The following KCNAB2 variants were observed in gnomAD, a reference collection of about 807,000 sequenced individuals.
KCNAB2 encodes potassium voltage-gated channel subfamily A regulatory beta subunit 2.
A neutral mutation model predicts 63.6 loss-of-function variants in KCNAB2; 29 were observed. The ratio of observed to expected loss-of-function variants is 0.46; its 90% CI spans 0.34 to 0.62. KCNAB2 has a LOEUF of 0.62. Ranked by LOEUF, KCNAB2 falls within the 20% of genes least tolerant of loss-of-function variation. KCNAB2 has a pLI of 0.01. For synonymous variants in KCNAB2, 222 were observed against 224.2 expected (o/e 0.99, Z 0.09); for missense variants, 359 against 563.9 (o/e 0.64, Z 3.68).
At chr1:6,090,552 G>T (rs1217979242) in intron 9 of KCNAB2, 77 bp downstream of exon 9, 2 of 1,098,136 alleles carry the variant, frequency 1.8e-6, no homozygotes, top group African/African-American at 3.1e-5. Context: ...TGTAGAGGCC[G>T]CCAGCATGGG....
At chr1:6,018,431 G>T (rs1170907438) in intron 1 of KCNAB2, among the ~76,000 whole-genome samples, 2 of 151,980 alleles carry the variant, frequency 1.3e-5, no homozygotes, top group Non-Finnish European at 2.9e-5. Flanking sequence ...GGTATTAAGA[G>T]GTGGGGCTCT....
chr1:6,077,761 G>A (rs1045571195), intron 4 of KCNAB2, among the ~76,000 whole-genome samples: 3 of 152,182 alleles, frequency 2.0e-5, no homozygotes, highest in African/African-American at 7.2e-5. Flanking sequence ...GGCTTGCGGA[G>A]CCCCTGCCTA....
intron 14 of KCNAB2, 96 bp from the exon 15 acceptor site, chr1:6,097,173 G>A: frequency 7.3e-7 from 1 of 1,364,790 alleles, no homozygotes; most frequent in Non-Finnish European, 9.8e-7. Context: ...CCCAGACCAA[G>A]ATGCTGGGTC....
At position 6,028,472 on chromosome 1, in the gene KCNAB2, G is replaced by A. The variant is rs1404608958; in HGVS notation, c.-52-12045G>A. 3.3e-5 allele frequency among the ~76,000 whole-genome samples: 5 copies of A among 152,204 alleles called. No individual in the cohort carries two copies. Among genetic ancestry groups the A allele is most frequent in the Non-Finnish European group, 5.9e-5 (4 of 68,036 alleles). ...AAAATAACATCAGTTCAACAAGCAGGTGCTGGAGTCCTCGCCCCGAGGCCT... is the reference window on the plus strand; with the variant it reads ...AAAATAACATCAGTTCAACAAGCAGATGCTGGAGTCCTCGCCCCGAGGCCT... On this transcript the variant is annotated intron_variant, in intron 1 of 16. Transcript: ENST00000341524. The surrounding 1 kb of genome is among the most constrained non-coding windows in gnomAD (Gnocchi z 4.0).
intron 1 of KCNAB2, among the ~76,000 whole-genome samples, chr1:6,039,278 G>T (rs1660304161): frequency 3.9e-5 from 6 of 152,262 alleles, no homozygotes; most frequent in African/African-American, 1.4e-4. Context: ...ATAGGGGCCT[G>T]AGGGGGCAGT....
chr1:6,089,629 C>T (rs556351740), intron 8 of KCNAB2, among the ~76,000 whole-genome samples: 3 of 152,376 alleles, frequency 2.0e-5, no homozygotes, highest in African/African-American at 7.2e-5. Flanking sequence ...CAGCGTTTCA[C>T]TCTGCCGGCT....
At position 6,067,532 on chromosome 1, in the gene KCNAB2, C is replaced by T. The variant is rs1170303247; in HGVS notation, c.219-5223C>T. Among the ~76,000 whole-genome samples the T allele has an allele frequency of 1.3e-5, 2 of 152,168 alleles. 1 individual carries two copies. The highest frequency in any genetic ancestry group is 3.8e-4 in the East Asian group (2 of 5,196). On this transcript the variant is annotated intron_variant, in intron 2 of 15. Coordinates refer to ENST00000378083, the MANE Select transcript of KCNAB2 (RefSeq NM_001199862.2). ...ACCGTGTCATCTAAGCCAACCCTTGCTGGAGGTGAATTCTGGGATGACTCT... is the reference window on the plus strand; with the variant it reads ...ACCGTGTCATCTAAGCCAACCCTTGTTGGAGGTGAATTCTGGGATGACTCT...
Position 6,017,815 on chromosome 1 carries a change from A to G in KCNAB2, c.-52-22702A>G, listed in dbSNP as rs1658600728. Among the ~76,000 whole-genome samples, 10 of 151,944 alleles carry G rather than the reference A, an allele frequency of 6.6e-5. No homozygotes were observed. The South Asian group carries it at 2.1e-3, about 32-fold the overall frequency. ...AAAAAAAAAAAAAACTTGGCCTCCC[A>G]AAGTGCTGGGATTACAGGCATAAGC... On this transcript the variant is annotated intron_variant, in intron 1 of 16. Transcript: ENST00000341524.
At chr1:6,089,727 T>C (rs1355528156) in intron 8 of KCNAB2, among the ~76,000 whole-genome samples, 1 of 152,220 alleles carries the variant, frequency 6.6e-6, no homozygotes, top group Non-Finnish European at 1.5e-5. Flanking sequence ...GATGGAGTTT[T>C]GCTCTTGTTG....
intron 2 of KCNAB2, among the ~76,000 whole-genome samples, chr1:6,061,402 G>A (rs1371116517): frequency 3.3e-5 from 5 of 152,130 alleles, no homozygotes; most frequent in Non-Finnish European, 5.9e-5. Context: ...GCACCGGGCC[G>A]GGCGTGTCCC....
chr1:6,001,604 G>T (rs1481352500), intron 1 of KCNAB2, among the ~76,000 whole-genome samples: 1 of 152,200 alleles, frequency 6.6e-6, no homozygotes, highest in Non-Finnish European at 1.5e-5. Context: ...GTCTGTGTGA[G>T]CAGCAGGAGA....
rs747858689 is a variant in KCNAB2 at position 6,069,321 on chromosome 1, C to T, written c.219-3434C>T. On this transcript the variant is annotated intron_variant, in intron 2 of 15. Coordinates refer to ENST00000378083, the MANE Select transcript of KCNAB2 (RefSeq NM_001199862.2). This position sits in a 1 kb window ranked among gnomAD's most constrained non-coding sequence, Gnocchi z 5.4. The stretch of plus-strand genomic sequence containing the variant: ...GCCCAGGTGGCTCCAATGAAAGGCC[C>T]CAAACTCCTCTTTGTAAAATGACCT... 6.6e-6 allele frequency among the ~76,000 whole-genome samples: 1 copy of T among 152,162 alleles called. No homozygotes were observed. Among genetic ancestry groups the T allele is most frequent in the African/African-American group, 2.4e-5 (1 of 41,430 alleles).
chr1:6,038,323 C>T (rs1401546939), intron 1 of KCNAB2, among the ~76,000 whole-genome samples: 1 of 152,016 alleles, frequency 6.6e-6, no homozygotes, highest in African/African-American at 2.4e-5. Flanking sequence ...CAGGATCTTG[C>T]TCCATCACCC....
chr1:6,042,838 T>TCC (rs1421391853), upstream of KCNAB2, among the ~76,000 whole-genome samples: 428 of 12,250 alleles, frequency 0.035, 5 homozygotes, highest in South Asian at 0.04. Context: ...GCGCCCCCAC[T>TCC]CCCCACCCCC....
Position 6,089,144 on chromosome 1 carries a change from G to C in KCNAB2, c.514+93G>C. The C allele has an allele frequency of 5.2e-6, 7 of 1,339,496 alleles. No individual in the cohort carries two copies. In the South Asian group the frequency reaches 8.8e-5, roughly 17 times the overall value. 83.0% of individuals were successfully genotyped at this position (1,339,496 alleles called of 1,614,324 possible). A position where few individuals can be genotyped will look rare whatever the true frequency, so the allele number is the denominator to read the frequency against. ...GGCAGCACAGGGCCCGACCCCCCCAGTTAACCCACTGAGGGCCCAATCCCG... is the reference window on the plus strand; with the variant it reads ...GGCAGCACAGGGCCCGACCCCCCCACTTAACCCACTGAGGGCCCAATCCCG... On this transcript the variant is annotated intron_variant, in intron 8 of 15. Transcript: ENST00000378083.
chr1:5,995,309 AGG>A (rs1273667534), intron 1 of KCNAB2, among the ~76,000 whole-genome samples: 2 of 152,182 alleles, frequency 1.3e-5, no homozygotes, highest in Admixed American at 6.5e-5. Flanking sequence ...ACGGAAGGAC[AGG>A]CTTCTCCAGG....
At chr1:5,996,976 C>T (rs1656975997) in intron 1 of KCNAB2, among the ~76,000 whole-genome samples, 1 of 152,190 alleles carries the variant, frequency 6.6e-6, no homozygotes, top group African/African-American at 2.4e-5. Context: ...GTTTCCCTGC[C>T]AGAGACTTAG....
chr1:6,028,257 C>T lies in KCNAB2; in HGVS notation c.-52-12260C>T, dbSNP rs1271531004. Among the ~76,000 whole-genome samples, 1 of 152,160 alleles carries T rather than the reference C, an allele frequency of 6.6e-6. No individual in the cohort carries two copies. The highest frequency in any genetic ancestry group is 2.4e-5 in the African/African-American group (1 of 41,422). ...GGGGAAGTGTGTGTTGTGTAAGTGC[C>T]CTTCTGTGTCATGCGGTTTTGAGCA... On this transcript the variant is annotated intron_variant, in intron 1 of 16. Coordinates refer to the KCNAB2 transcript ENST00000341524. This position sits in a 1 kb window ranked among gnomAD's most constrained non-coding sequence, Gnocchi z 4.0.
At chr1:6,090,262 C>G in intron 8 of KCNAB2, 127 bp from the exon 9 acceptor site, 2 of 626,586 alleles carry the variant, frequency 3.2e-6, no homozygotes, top group Non-Finnish European at 5.6e-6. Context: ...CCATCAGCTT[C>G]TGGAAGCTTC....
Sources: allele counts gnomAD v4.1 joint callset (sites outside exome capture counted in the v4.1 genomes callset), GRCh38; gene constraint gnomAD v4.1.1; non-coding constraint Gnocchi (gnomAD v3.1); transcripts MANE v1.5; gene names NCBI Gene and HGNC (gene_info 2026-07-23, HGNC 2026-07-21).